The following CCNL2 variants were observed in gnomAD, a reference collection of about 807,000 sequenced individuals.
CCNL2 encodes cyclin L2, also known as cyclin-L2.
A neutral mutation model predicts 59.1 loss-of-function variants in CCNL2; 28 were observed. That is an observed-to-expected ratio of 0.47 (90% CI 0.35 to 0.65). The LOEUF (loss-of-function observed/expected upper bound fraction) is 0.65. CCNL2 is among the 30% of genes least tolerant of loss of function. The pLI is 0.00. For synonymous variants in CCNL2, 342 were observed against 288.6 expected, an observed-to-expected ratio of 1.19 and a Z score of -1.88; for missense variants, 714 against 717.4, an observed-to-expected ratio of 1.00 and a Z score of 0.05.
intron 3 of CCNL2, among the ~76,000 whole-genome samples, chr1:1,396,289 T>C (rs936699908): frequency 1.3e-5 from 2 of 151,356 alleles, no homozygotes; most frequent in African/African-American, 4.9e-5. Flanking sequence ...TTTTTTGAGA[T>C]GGAGTCTCAC....
intron 8 of CCNL2, chr1:1,388,499 C>T (rs1305868000): frequency 1.5e-5 from 7 of 454,500 alleles, no homozygotes; most frequent in Non-Finnish European, 3.1e-5. Context: ...CACCTGGCAA[C>T]ACAGCGAGAC....
At chr1:1,392,512 T>G in intron 5 of CCNL2, 2 of 1,315,098 alleles carry the variant, frequency 1.5e-6, no homozygotes, top group Non-Finnish European at 1.9e-6. Context: ...AGAAAGGTAC[T>G]GCATCTTTAT....
chr1:1,388,059 G>T lies in CCNL2; in HGVS notation c.1013C>A (p.Ser338Tyr). The change falls in exon 9 of 11, where the codon TCC becomes TAC. Residue 338 changes from serine to tyrosine, a missense_variant. Coordinates refer to ENST00000400809, the MANE Select transcript of CCNL2 (RefSeq NM_030937.6). The part of the protein sequence containing the change: ...GFSPAPKLVE[S>Y]PKEGKGSKPS... The stretch of plus-strand genomic sequence containing the variant: ...CTTGCTCCCTTTACCTTCTTTGGGG[G>T]ATTCCACTAGAATCAGAACAAGAGG... 6.2e-7 allele frequency: 1 copy of T among 1,612,050 alleles called. No homozygotes were observed.
intron 5 of CCNL2, chr1:1,392,959 C>T: frequency 1.3e-6 from 1 of 754,328 alleles, no homozygotes; most frequent in Non-Finnish European, 2.2e-6. Flanking sequence ...CCAAATACTA[C>T]ATTGCACTTT....
At chr1:1,389,352 G>A (rs1464415037) in intron 8 of CCNL2, 1 of 152,474 alleles carries the variant, frequency 6.6e-6, no homozygotes, top group Admixed American at 6.5e-5. Context: ...CTGGACGACA[G>A]AGCGAGACTC....
chr1:1,394,567 T>C (rs181619895), intron 4 of CCNL2, among the ~76,000 whole-genome samples: 10 of 151,398 alleles, frequency 6.6e-5, no homozygotes, highest in Non-Finnish European at 1.3e-4. Flanking sequence ...CCGGCCAACA[T>C]GACGAAACCC....
At chr1:1,398,873 GC>G (rs1290076383) in intron 1 of CCNL2, 145 bp downstream of exon 1, 31 of 1,407,682 alleles carry the variant, frequency 2.2e-5, no homozygotes, top group Non-Finnish European at 2.9e-5. Context: ...GCATGGGCTG[GC>G]TAGGGAATGG....
intron 3 of CCNL2, among the ~76,000 whole-genome samples, chr1:1,397,079 A>G (rs1024860021): frequency 2.6e-5 from 4 of 151,960 alleles, no homozygotes; most frequent in African/African-American, 4.8e-5. Context: ...ACAGGGTTTC[A>G]CCATATTGGT....
rs929936696 is a variant in CCNL2 at position 1,391,570 on chromosome 1, AG to A, written c.660-706del. 3 of 1,304,998 alleles carry A rather than the reference AG, an allele frequency of 2.3e-6. No individual in the cohort carries two copies. The African/African-American group carries it at 4.6e-5, about 20-fold the overall frequency. 80.8% of individuals were successfully genotyped at this position (1,304,998 alleles called of 1,614,324 possible). A position where few individuals can be genotyped will look rare whatever the true frequency, so the allele number is the denominator to read the frequency against. Reference sequence around the variant, plus strand: ...CGCTGCCAACTGTCCCATTTCAACAAGGGGTCTTAAAATGAACATTCATAGA... The same window carrying A: ...CGCTGCCAACTGTCCCATTTCAACAAGGGTCTTAAAATGAACATTCATAGA... On this transcript the variant is annotated intron_variant, in intron 5 of 10. Transcript: ENST00000400809.
intron 5 of CCNL2, chr1:1,392,693 C>G: frequency 6.4e-7 from 1 of 1,568,664 alleles, no homozygotes; most frequent in South Asian, 1.2e-5. Flanking sequence ...AGTCTAGAGC[C>G]AGCCTTCGGT....
intron 8 of CCNL2, chr1:1,389,219 A>G (rs920585860): frequency 1.3e-5 from 2 of 152,212 alleles, no homozygotes; most frequent in African/African-American, 4.9e-5. Context: ...AATACAAAAA[A>G]TTAGCCAGGC....
rs2100254444 is a variant in CCNL2, at chr1:1,387,285, G to A, written c.1509C>T (p.Arg503=). Reference sequence around the variant, plus strand: ...GGTCCCGCTCATAGCGACGGCCTGTGCGTTCATACGACCTCGAGCGCTCTC... The same window carrying A: ...GGTCCCGCTCATAGCGACGGCCTGTACGTTCATACGACCTCGAGCGCTCTC... The part of the protein sequence containing the change: ...QRRERSRSYE[R]TGRRYERDHP... Residue 503 remains arginine (R), a synonymous_variant, in exon 11 of 11, where the codon CGC becomes CGT. Coordinates refer to ENST00000400809, the MANE Select transcript of CCNL2 (RefSeq NM_030937.6). 2 of 1,612,826 alleles carry A rather than the reference G, an allele frequency of 1.2e-6. No individual in the cohort carries two copies. The highest frequency in any genetic ancestry group is 1.7e-6 in the Non-Finnish European group (2 of 1,180,034).
intron 3 of CCNL2, 22 bp downstream of exon 3, chr1:1,398,211 T>C (rs375798622): frequency 9.6e-5 from 154 of 1,611,188 alleles, no homozygotes; most frequent in Non-Finnish European, 1.2e-4. Context: ...TATGATAGAC[T>C]AGACAGCTCT....
At chr1:1,398,742 T>TA in intron 1 of CCNL2, 71 bp from the exon 2 acceptor site, 1 of 1,414,182 alleles carries the variant, frequency 7.1e-7, no homozygotes, top group South Asian at 1.1e-5. Flanking sequence ...AGTCATCGAG[T>TA]AACGTGGGAC....
At position 1,387,956 on chromosome 1, in the gene CCNL2, G is replaced by C; in HGVS notation, c.1116C>G (p.Asn372Lys). Residue 372 changes from asparagine to lysine, a missense_variant and splice_region_variant, in exon 9 of 11, where the codon AAC becomes AAG. By Grantham distance (94) the Asn-to-Lys change is moderately conservative. Coordinates refer to ENST00000400809, the MANE Select transcript of CCNL2 (RefSeq NM_030937.6). ...CCTGGGCAGCCCTGGGGTCCTACCC[G>C]TTCACGGGGCTGTCCGCCTTGGCTT... ...AKKAKADSPV[N>K]GLPKGRESRS... 1 of 1,613,932 alleles carries C rather than the reference G, an allele frequency of 6.2e-7. No individual in the cohort carries two copies. Among genetic ancestry groups the C allele is most frequent in the Non-Finnish European group, 8.5e-7 (1 of 1,179,932 alleles).
intron 2 of CCNL2, 121 bp downstream of exon 2, chr1:1,398,476 C>A: frequency 1.3e-6 from 2 of 1,570,032 alleles, no homozygotes; most frequent in Non-Finnish European, 1.7e-6. Flanking sequence ...GAAACAGAAC[C>A]CTCCGGCACA....
chr1:1,399,243 C>A lies in CCNL2; in HGVS notation c.64G>T (p.Ala22Ser), dbSNP rs775830548. The A allele has an allele frequency of 1.3e-6, 2 of 1,589,554 alleles. No individual in the cohort carries two copies. The highest frequency in any genetic ancestry group is 1.7e-5 in the Admixed American group (1 of 58,134). The change falls in exon 1 of 11, where the codon GCC (alanine) becomes TCC (serine). Residue 22 changes from alanine to serine, a missense_variant. By Grantham distance (99) the Ala-to-Ser change is moderately conservative. This residue lies in a region of CCNL2 where 270 missense variants were observed against 254.9 expected (regional missense o/e 1.06). Coordinates refer to ENST00000400809, the MANE Select transcript of CCNL2 (RefSeq NM_030937.6). ...GAGGGTGCGCCCCCAGATCCCGGGGCGCCGGCCGCTGCCGCGGGAGCTGCC... is the reference window on the plus strand; with the variant it reads ...GAGGGTGCGCCCCCAGATCCCGGGGAGCCGGCCGCTGCCGCGGGAGCTGCC... The part of the protein sequence containing the change: ...GSAAPAAAAG[A>S]PGSGGAPSGS...
intron 8 of CCNL2, 37 bp from the exon 9 acceptor site, chr1:1,388,102 A>G (rs1644558015): frequency 6.6e-7 from 1 of 1,515,552 alleles, no homozygotes; most frequent in Non-Finnish European, 9.2e-7. Context: ...CCAACCACAA[A>G]ACACTCTCCC....
Position 1,398,618 on chromosome 1 carries a change from G to GGACT in CCNL2, c.338_341dup (p.Phe115ValfsTer58). On this transcript the variant is annotated frameshift_variant, in exon 2 of 11. Transcript: ENST00000400809. LOFTEE classifies it high-confidence loss of function. ...TTACCTCCATGGAGTGCTTCACGAAGGACTTGGTATAAAAGAACCGCTGGA... is the reference window on the plus strand; with the variant it reads ...TTACCTCCATGGAGTGCTTCACGAAGGACTGACTTGGTATAAAAGAACCGCTGGA... The GGACT allele has an allele frequency of 6.2e-7, 1 of 1,614,004 alleles. No homozygotes were observed. Among genetic ancestry groups the GGACT allele is most frequent in the Non-Finnish European group, 8.5e-7 (1 of 1,179,984 alleles).
Sources: allele counts gnomAD v4.1 joint callset (sites outside exome capture counted in the v4.1 genomes callset), GRCh38; gene constraint gnomAD v4.1.1; regional missense constraint gnomAD v4.1.1; transcripts MANE v1.5; gene names NCBI Gene and HGNC (gene_info 2026-07-23, HGNC 2026-07-21).